The following RP1 variants were observed in gnomAD, a reference collection of about 807,000 sequenced individuals.
The protein encoded by RP1 is oxygen-regulated protein 1.
In RP1, 16 loss-of-function variants were observed where a neutral mutation model predicts 14.8. The observed-to-expected ratio is 1.08, with a 90% confidence interval of 0.73 to 1.65. The LOEUF is 1.65. RP1 is among the 40% of genes most tolerant of loss of function. RP1 has a pLI of 0.00. For missense variants in RP1, 2,631 were observed against 2,535.0 expected, an observed-to-expected ratio of 1.04 and a Z score of -0.81; for synonymous variants, 876 against 883.6, an observed-to-expected ratio of 0.99 and a Z score of 0.15.
chr8:54,723,816 G>A (rs150897135), intron 16 of RP1, among the ~76,000 whole-genome samples: 5 of 152,254 alleles, frequency 3.3e-5, no homozygotes, highest in Non-Finnish European at 7.4e-5. Flanking sequence ...TACTTTTATA[G>A]CATACTTAGG....
At position 54,641,088 on chromosome 8, in the gene RP1, G is replaced by T. The variant is rs567328405; in HGVS notation, c.788-7897G>T. On this transcript the variant is annotated intron_variant, in intron 3 of 22. Coordinates refer to the RP1 transcript ENST00000636932. ...GCCTCCTGAGTAGCTGGGACTACAG[G>T]CACCCGCCACCACGCCTGGCTAATT... Among the ~76,000 whole-genome samples the T allele has an allele frequency of 7.6e-4, 115 of 151,774 alleles. 1 individual carries two copies. The highest frequency in any genetic ancestry group is 2.7e-3 in the African/African-American group (111 of 41,368).
intron 12 of RP1, chr8:54,696,977 T>G (rs1446938987): frequency 7.4e-7 from 1 of 1,349,008 alleles, no homozygotes; most frequent in African/African-American, 1.4e-5. Flanking sequence ...TGAAATTGCC[T>G]TCCCAGGGAA....
intron 19 of RP1, chr8:54,739,141 T>C (rs1809006426): frequency 7.9e-6 from 5 of 632,040 alleles, no homozygotes; most frequent in Non-Finnish European, 1.3e-5. Context: ...GCTCCTTGAC[T>C]TACAGTGGGG....
chr8:54,768,899 T>C (rs1397696786), intron 22 of RP1, among the ~76,000 whole-genome samples: 11 of 129,966 alleles, frequency 8.5e-5, no homozygotes. Flanking sequence ...GTTATATTCT[T>C]TTTTTTTTTT....
rs138326133 is a variant in RP1, at chr8:54,638,235, C to T, written c.788-10750C>T. On this transcript the variant is annotated intron_variant, in intron 3 of 22. Coordinates refer to the RP1 transcript ENST00000636932. ...GGTGGATTGCCTGAGCTTGTGAGTT[C>T]GAGACGAGCCTCGGCAACACAGTGA... 5.1e-3 allele frequency among the ~76,000 whole-genome samples: 773 copies of T among 152,034 alleles called. 2 individuals are homozygous for T. The highest frequency in any genetic ancestry group is 0.01 in the Middle Eastern group (3 of 294).
At chr8:54,830,853 T>A (rs1453239539) in intron 24 of RP1, among the ~76,000 whole-genome samples, 1 of 152,084 alleles carries the variant, frequency 6.6e-6, no homozygotes, top group African/African-American at 2.4e-5. Flanking sequence ...CATTCAGCAA[T>A]TACTCTCCAT....
intron 22 of RP1, among the ~76,000 whole-genome samples, chr8:54,769,571 G>A (rs1039057584): frequency 3.3e-5 from 5 of 152,180 alleles, no homozygotes. Flanking sequence ...TATGATGAAT[G>A]TGTAATAGGA....
At chr8:54,572,202 A>G (rs903994051) in intron 1 of RP1, among the ~76,000 whole-genome samples, 9 of 152,266 alleles carry the variant, frequency 5.9e-5, no homozygotes, top group African/African-American at 2.2e-4. Flanking sequence ...ATAAGAGGTC[A>G]TCTGCCTGGG....
At chr8:54,755,623 G>A in exon 21 of RP1, 3 of 1,535,938 alleles carry the variant, frequency 2.0e-6, no homozygotes, top group African/African-American at 1.4e-5. Flanking sequence ...TGCCAGTAGT[G>A]AGATACCAGG....
chr8:54,750,735 C>T (rs1263239311), intron 19 of RP1, among the ~76,000 whole-genome samples: 1 of 81,258 alleles, frequency 1.2e-5, no homozygotes, highest in Non-Finnish European at 2.5e-5. Flanking sequence ...CCAATCAGTG[C>T]TCTGTACCTA....
chr8:54,596,394 C>T (rs182203561), intron 1 of RP1, among the ~76,000 whole-genome samples: 1 of 152,260 alleles, frequency 6.6e-6, no homozygotes, highest in Admixed American at 6.5e-5. Context: ...ACCTCCTTCA[C>T]AATTCTTTGT....
intron 4 of RP1, among the ~76,000 whole-genome samples, chr8:54,650,881 A>G (rs560998214): frequency 6.6e-6 from 1 of 152,104 alleles, no homozygotes; most frequent in East Asian, 1.9e-4. Flanking sequence ...ATCTTTTGCC[A>G]TTGAGTAGGA....
At position 54,726,195 on chromosome 8, in the gene RP1, A is replaced by G. The variant is rs1478330194; in HGVS notation, c.2390-150A>G. 5 of 866,240 alleles carry G rather than the reference A, an allele frequency of 5.8e-6. No homozygotes were observed. The East Asian group carries it at 1.2e-4, about 20-fold the overall frequency. 53.7% of individuals were successfully genotyped at this position (866,240 alleles called of 1,614,324 possible). ...AAGAATAAGAAGTCATTTTCTGTTA[A>G]CTATGTAATTCTGAGTAAAGAGATT... On this transcript the variant is annotated intron_variant, in intron 16 of 22. Coordinates refer to the RP1 transcript ENST00000636932.
At chr8:54,796,379 T>C (rs1473030081) in intron 24 of RP1, among the ~76,000 whole-genome samples, 1 of 152,198 alleles carries the variant, frequency 6.6e-6, no homozygotes, top group Non-Finnish European at 1.5e-5. Context: ...CAGGAAAATG[T>C]AGGTGACAGT....
intron 7 of RP1, among the ~76,000 whole-genome samples, chr8:54,671,544 C>G (rs1165362335): frequency 6.6e-6 from 1 of 151,956 alleles, no homozygotes; most frequent in Non-Finnish European, 1.5e-5. Flanking sequence ...TTTGTTGCTC[C>G]TGTCTTGATG....
At chr8:54,786,829 A>G (rs577812531) in intron 24 of RP1, among the ~76,000 whole-genome samples, 94 of 152,268 alleles carry the variant, frequency 6.2e-4, no homozygotes, top group African/African-American at 2.2e-3. Flanking sequence ...TGCTGAAGAT[A>G]AATAAGAACT....
At chr8:54,657,115 G>A (rs1806771999) in intron 6 of RP1, among the ~76,000 whole-genome samples, 1 of 152,096 alleles carries the variant, frequency 6.6e-6, no homozygotes, top group African/African-American at 2.4e-5. Context: ...CCTAGTTACT[G>A]AAAAGTGAAG....
chr8:54,790,385 G>C (rs1473617293), intron 24 of RP1, among the ~76,000 whole-genome samples: 1 of 152,180 alleles, frequency 6.6e-6, no homozygotes, highest in Non-Finnish European at 1.5e-5. Context: ...ATACCTGATT[G>C]CTTCCTTAAA....
At chr8:54,691,559 G>A (rs1251072589) in intron 12 of RP1, among the ~76,000 whole-genome samples, 1 of 151,906 alleles carries the variant, frequency 6.6e-6, no homozygotes, top group African/African-American at 2.4e-5. Flanking sequence ...TGGAGATACA[G>A]GTTTAGAATT....
Sources: gnomAD v4.1 joint callset for allele counts (sites outside exome capture counted in the v4.1 genomes callset) on GRCh38, gnomAD v4.1.1 for gene constraint, MANE v1.5 for transcripts, NCBI Gene and HGNC (gene_info 2026-07-23, HGNC 2026-07-21) for gene names.